Variants in TNKS observed in about 807,000 individuals in gnomAD.
The protein encoded by TNKS is poly [ADP-ribose] polymerase tankyrase-1.
TNKS carries 72 observed loss-of-function variants against 135.8 expected under a neutral mutation model. That is an observed-to-expected ratio of 0.53 (90% CI 0.44 to 0.64). The LOEUF (loss-of-function observed/expected upper bound fraction) is 0.64, where lower values mean the gene tolerates loss of function less well. TNKS is among the 30% of genes least tolerant of loss of function. The pLI is 0.00. For synonymous variants in TNKS, 849 were observed against 649.3 expected, an observed-to-expected ratio of 1.31 and a Z score of -4.68; for missense variants, 1,769 against 1,674.0, an observed-to-expected ratio of 1.06 and a Z score of -0.99.
intron 18 of TNKS, among the ~76,000 whole-genome samples, chr8:9,748,450 C>T (rs1001066649): frequency 6.6e-6 from 1 of 152,106 alleles, no homozygotes; most frequent in African/African-American, 2.4e-5. Context: ...AAACATGGAT[C>T]TTAAGAAAAC....
intron 26 of TNKS, among the ~76,000 whole-genome samples, chr8:9,773,789 G>T (rs888681870): frequency 3.9e-5 from 6 of 151,962 alleles, no homozygotes; most frequent in African/African-American, 1.4e-4. Flanking sequence ...GAGGATAATT[G>T]CTCTTCCATA....
intron 11 of TNKS, 50 bp from the exon 12 acceptor site, chr8:9,720,324 G>A: frequency 6.8e-7 from 1 of 1,476,352 alleles, no homozygotes; most frequent in Non-Finnish European, 9.0e-7. Context: ...GGTATAAAAG[G>A]AAACTAAACA....
intron 20 of TNKS, among the ~76,000 whole-genome samples, chr8:9,754,735 A>C (rs1201815382): frequency 6.6e-6 from 1 of 152,170 alleles, no homozygotes; most frequent in Non-Finnish European, 1.5e-5. Context: ...AATCCTCAGT[A>C]ATATTGTGCT....
chr8:9,741,755 G>A (rs769336557), intron 17 of TNKS: 2 of 521,892 alleles, frequency 3.8e-6, no homozygotes, highest in Non-Finnish European at 8.0e-6. Context: ...CAAGCGTAAT[G>A]TAGAGTACTG....
chr8:9,604,231 G>C (rs1425967125), intron 2 of TNKS, among the ~76,000 whole-genome samples: 1 of 151,878 alleles, frequency 6.6e-6, no homozygotes, highest in Non-Finnish European at 1.5e-5. Flanking sequence ...TGAAGTTTTG[G>C]AGATTTCATC....
intron 2 of TNKS, among the ~76,000 whole-genome samples, chr8:9,591,024 T>G (rs1406952972): frequency 3.3e-5 from 5 of 152,204 alleles, no homozygotes; most frequent in African/African-American, 1.2e-4. Flanking sequence ...CATCTAGGAG[T>G]TGTAACTGAA....
chr8:9,776,829 C>A lies in TNKS; in HGVS notation c.*93C>A. On this transcript the variant is annotated 3_prime_UTR_variant, in exon 27 of 27. Coordinates refer to ENST00000310430, the MANE Select transcript of TNKS (RefSeq NM_003747.3). Reference sequence around the variant, plus strand: ...ATAACAACATCAATATTCTAGAAGTCCCTGACAGCCTAGAAATAAGCTGTT... The same window carrying A: ...ATAACAACATCAATATTCTAGAAGTACCTGACAGCCTAGAAATAAGCTGTT... 1 of 1,221,246 alleles carries A rather than the reference C, an allele frequency of 8.2e-7. No individual in the cohort carries two copies. The highest frequency in any genetic ancestry group is 1.2e-6 in the Non-Finnish European group (1 of 844,044). The allele number at this position is 1,221,246 out of a possible 1,614,324, so 75.7% of individuals were successfully genotyped here. A position where few individuals can be genotyped will look rare whatever the true frequency, so the allele number is the denominator to read the frequency against.
chr8:9,603,509 G>T (rs894219344), intron 2 of TNKS, among the ~76,000 whole-genome samples: 5 of 152,190 alleles, frequency 3.3e-5, no homozygotes, highest in African/African-American at 1.2e-4. Flanking sequence ...TATTGCTAAA[G>T]AGAACAGGCT....
At chr8:9,775,236 G>A (rs796189782) in intron 26 of TNKS, among the ~76,000 whole-genome samples, 1 of 151,766 alleles carries the variant, frequency 6.6e-6, no homozygotes, top group African/African-American at 2.4e-5. Context: ...AAAATTAAGT[G>A]TATGTCTTAA....
intron 11 of TNKS, among the ~76,000 whole-genome samples, chr8:9,715,246 G>A (rs575868688): frequency 3.3e-5 from 5 of 152,194 alleles, no homozygotes; most frequent in East Asian, 1.9e-4. Context: ...TAGGGTCTTC[G>A]CAATAAATGG....
chr8:9,756,341 A>T (rs191566470), intron 20 of TNKS, among the ~76,000 whole-genome samples: 1 of 152,208 alleles, frequency 6.6e-6, no homozygotes, highest in African/African-American at 2.4e-5. Flanking sequence ...CCCCACCCAA[A>T]GTAAAATGAC....
chr8:9,589,444 C>G (rs375246448), intron 2 of TNKS, among the ~76,000 whole-genome samples: 3 of 152,262 alleles, frequency 2.0e-5, no homozygotes, highest in South Asian at 4.1e-4. Flanking sequence ...AAGTAAACAA[C>G]CAAGCCAGCT....
intron 25 of TNKS, among the ~76,000 whole-genome samples, chr8:9,767,245 A>C (rs1284437757): frequency 6.6e-6 from 1 of 152,238 alleles, no homozygotes; most frequent in African/African-American, 2.4e-5. Context: ...TGGCCTTGTT[A>C]ATAGACTTTT....
chr8:9,667,998 G>T (rs911281238), intron 3 of TNKS, among the ~76,000 whole-genome samples: 6 of 152,108 alleles, frequency 3.9e-5, no homozygotes, highest in African/African-American at 1.4e-4. Flanking sequence ...TGGAGAAAGT[G>T]ATGGAGTTTA....
chr8:9,566,641 G>A (rs1200193862), intron 1 of TNKS: 2 of 118,236 alleles, frequency 1.7e-5, no homozygotes, highest in Non-Finnish European at 3.2e-5. Flanking sequence ...TCGCTCTGTC[G>A]CCCAGGCCGG....
chr8:9,701,728 G>A (rs1191020471), intron 5 of TNKS, among the ~76,000 whole-genome samples: 2 of 152,192 alleles, frequency 1.3e-5, no homozygotes, highest in African/African-American at 2.4e-5. Context: ...CTTAACACAA[G>A]GAGGGGAAAA....
chr8:9,621,829 A>G (rs1217675339), intron 3 of TNKS, among the ~76,000 whole-genome samples: 5 of 152,160 alleles, frequency 3.3e-5, no homozygotes, highest in Non-Finnish European at 7.3e-5. Context: ...TACCTTACTT[A>G]TTAAGAAAAG....
rs143111401 is a variant in TNKS at position 9,561,688 on chromosome 8, G to A, written c.673+5076G>A. On this transcript the variant is annotated intron_variant, in intron 1 of 26. Coordinates refer to ENST00000310430, the MANE Select transcript of TNKS (RefSeq NM_003747.3). The stretch of plus-strand genomic sequence containing the variant: ...CTTATAAAATCCTTTTTGTGGACAC[G>A]GATTTTCTTTCTCTTGGGCAAATAC... 5.5e-3 allele frequency among the ~76,000 whole-genome samples: 836 copies of A among 152,146 alleles called. 6 individuals are homozygous for A. Among genetic ancestry groups the A allele is most frequent in the Non-Finnish European group, 9.5e-3 (644 of 68,000 alleles).
In TNKS at chr8:9,698,336, C is replaced by T. The variant is rs559492161; in HGVS notation, c.1108-6327C>T. ...GCAGTATACCCATGTAACAAACCTG[C>T]ACATGGCCCCCTGTATCTAAAAGTT... On this transcript the variant is annotated intron_variant, in intron 5 of 26. Coordinates refer to ENST00000310430, the MANE Select transcript of TNKS (RefSeq NM_003747.3). 1.6e-4 allele frequency among the ~76,000 whole-genome samples: 20 copies of T among 128,436 alleles called. 3 individuals carry two copies. Among genetic ancestry groups the T allele is most frequent in the African/African-American group, 5.9e-4 (20 of 33,702 alleles). The allele number at this position is 128,436 out of a possible 152,430, so 84.3% of individuals were successfully genotyped here. A position where few individuals can be genotyped will look rare whatever the true frequency, so the allele number is the denominator to read the frequency against.
Sources: gnomAD v4.1 joint callset for allele counts (sites outside exome capture counted in the v4.1 genomes callset) on GRCh38, gnomAD v4.1.1 for gene constraint, MANE v1.5 for transcripts, NCBI Gene and HGNC (gene_info 2026-07-23, HGNC 2026-07-21) for gene names.